The following PTOV1 variants were observed in gnomAD, a reference collection of about 807,000 sequenced individuals.
PTOV1 encodes prostate tumor-overexpressed gene 1 protein.
A neutral mutation model predicts 58.0 loss-of-function variants in PTOV1; 20 were observed. The observed-to-expected ratio is 0.34, with a 90% CI of 0.24 to 0.50. The LOEUF is 0.50. Ranked by LOEUF, PTOV1 falls within the 20% of genes least tolerant of loss-of-function variation. The pLI is 0.98. For synonymous variants in PTOV1, 335 were observed against 234.2 expected, an observed-to-expected ratio of 1.43 and a Z score of -3.93; for missense variants, 593 against 565.4, an observed-to-expected ratio of 1.05 and a Z score of -0.50.
At chr19:49,855,945 CA>C (rs761851184) in intron 5 of PTOV1, among the ~76,000 whole-genome samples, 3 of 151,950 alleles carry the variant, frequency 2.0e-5, no homozygotes, top group East Asian at 1.9e-4. Flanking sequence ...GGAGAGGAGG[CA>C]GGGGTGGGGT....
At position 49,857,890 on chromosome 19, in the gene PTOV1, C is replaced by T. The variant is rs1448147414; in HGVS notation, c.805-14C>T. 44 of 1,613,094 alleles carry T rather than the reference C, an allele frequency of 2.7e-5. No homozygotes were observed. Among genetic ancestry groups the T allele is most frequent in the Non-Finnish European group, 3.6e-5 (42 of 1,179,404 alleles). ...TCCAGCCCTGAGGGCTCCTCTTTGC[C>T]TCTCCCCCAAAAGCCCAGGCCTGAG... is the stretch of plus-strand genomic sequence containing the variant. On this transcript the variant is annotated splice_polypyrimidine_tract_variant and intron_variant, in intron 7 of 11. Coordinates refer to ENST00000391842, the Ensembl canonical transcript of PTOV1.
At chr19:49,854,103 G>T (rs1369644842) in intron 1 of PTOV1, among the ~76,000 whole-genome samples, 2 of 152,246 alleles carry the variant, frequency 1.3e-5, no homozygotes, top group African/African-American at 4.8e-5. Flanking sequence ...TCGATCAGGC[G>T]CACAGCTGGG....
At chr19:49,851,124 G>T, upstream of PTOV1, 1 of 1,341,820 alleles carries the variant, frequency 7.5e-7, no homozygotes, top group South Asian at 1.8e-5. Flanking sequence ...CCCCTCGGAC[G>T]CGCTTGGTAC....
At chr19:49,850,908 G>A (rs1304638008), upstream of PTOV1, 2 of 1,535,836 alleles carry the variant, frequency 1.3e-6, no homozygotes, top group Non-Finnish European at 1.7e-6. Context: ...CCCGACCCCC[G>A]CAAGGGGCCA....
chr19:49,857,289 C>T (rs1053702144), intron 6 of PTOV1, 159 bp downstream of exon 6: 1 of 1,077,472 alleles, frequency 9.3e-7, no homozygotes, highest in South Asian at 1.5e-5. Flanking sequence ...CCCACCAGGG[C>T]TCCATGGAAA....
At position 49,854,744 on chromosome 19, in the gene PTOV1, G is replaced by A. The variant is rs370943862; in HGVS notation, c.392+10G>A. 1.5e-5 allele frequency: 25 copies of A among 1,613,164 alleles called. No individual in the cohort carries two copies. Among genetic ancestry groups the A allele is most frequent in the Admixed American group, 1.0e-4 (6 of 60,006 alleles). On this transcript the variant is annotated intron_variant, in intron 3 of 11. Transcript: ENST00000391842. ...ACCAAGGCGAGAACCTGTGAGTGCCGGGGCGTGGCAGCCAGGGCGGTGGCA... is the reference window on the plus strand; with the variant it reads ...ACCAAGGCGAGAACCTGTGAGTGCCAGGGCGTGGCAGCCAGGGCGGTGGCA...
intron 6 of PTOV1, 68 bp from the exon 7 acceptor site, chr19:49,857,625 C>T: frequency 6.9e-7 from 1 of 1,441,260 alleles, no homozygotes; most frequent in Non-Finnish European, 9.6e-7. Context: ...GGATGGCAGG[C>T]CCCAGGACAG....
At chr19:49,850,913 G>C (rs1221923878), upstream of PTOV1, 7 of 1,535,740 alleles carry the variant, frequency 4.6e-6, no homozygotes, top group East Asian at 1.2e-4. Context: ...CCCCCGCAAG[G>C]GGCCAGCTTG....
chr19:49,860,423 T>C lies in PTOV1; in HGVS notation c.*144T>C. The C allele has an allele frequency of 3.1e-6, 4 of 1,289,170 alleles. No individual in the cohort carries two copies. In the South Asian group the frequency reaches 4.4e-5, roughly 14 times the overall value. The allele number at this position is 1,289,170 out of a possible 1,614,324, so 79.9% of individuals were successfully genotyped here. A position where few individuals can be genotyped will look rare whatever the true frequency, so the allele number is the denominator to read the frequency against. ...GGAAAGAAGCAGGGCGACCTTGGCC[T>C]TGGGGAGAGCAGAGCAGAGGGAGAG... On this transcript the variant is annotated 3_prime_UTR_variant, in exon 12 of 12. Transcript: ENST00000391842.
rs773780113 is a variant in PTOV1 at position 49,860,178 on chromosome 19, C to T, written c.1234C>T (p.Arg412Ter). The T allele has an allele frequency of 1.2e-6, 2 of 1,613,964 alleles. No individual in the cohort carries two copies. Among genetic ancestry groups the T allele is most frequent in the Non-Finnish European group, 1.7e-6 (2 of 1,179,996 alleles). ...GAACCTGGAGCAGGAGCAACAGCAACGAGGGGTGAGGTGGCCGGCCTCCAG... is the reference window on the plus strand; with the variant it reads ...GAACCTGGAGCAGGAGCAACAGCAATGAGGGGTGAGGTGGCCGGCCTCCAG... The change falls in exon 11 of 12, where the codon CGA becomes TGA. Residue 412 changes from arginine (R) to a stop codon, truncating the protein, a stop_gained. Transcript: ENST00000391842. LOFTEE classifies it high-confidence loss of function.
chr19:49,857,861 G>A, intron 7 of PTOV1, 43 bp from the exon 8 acceptor site: 1 of 1,611,982 alleles, frequency 6.2e-7, no homozygotes, highest in South Asian at 1.1e-5. Context: ...TGGCATTGGG[G>A]GTCTCCAGCC....
At chr19:49,858,277 A>G in intron 9 of PTOV1, 163 bp downstream of exon 9, 1 of 973,404 alleles carries the variant, frequency 1.0e-6, no homozygotes, top group South Asian at 1.6e-5. Context: ...GCTTGGCTTC[A>G]AGGGGTCCCA....
chr19:49,853,238 C>T (rs1463453703), intron 1 of PTOV1: 3 of 152,196 alleles, frequency 2.0e-5, no homozygotes, highest in African/African-American at 4.8e-5. Flanking sequence ...AAATAAATCA[C>T]CCTTATAATT....
chr19:49,855,408 T>G (rs1600376459), intron 5 of PTOV1: 1 of 356,958 alleles, frequency 2.8e-6, no homozygotes. Flanking sequence ...AGGGACCTGG[T>G]AAATGGGTGT....
chr19:49,854,996 C>T (rs2074401094), exon 5 of PTOV1: 1 of 1,599,696 alleles, frequency 6.3e-7, no homozygotes, highest in East Asian at 2.3e-5. Flanking sequence ...TGTTCCGGAA[C>T]TCCCAGTTGG....
At chr19:49,851,563 C>A in intron 1 of PTOV1, 64 bp downstream of exon 1, 1 of 1,029,876 alleles carries the variant, frequency 9.7e-7, no homozygotes, top group Non-Finnish European at 1.2e-6. Flanking sequence ...CTATCCCGGG[C>A]TCACGCCTTT....
chr19:49,860,378 A>G, exon 12 of PTOV1: 3 of 447,028 alleles, frequency 6.7e-6, no homozygotes, highest in Non-Finnish European at 1.3e-5. Context: ...ACCCTGGGGC[A>G]TGTGGGGGGG....
chr19:49,860,371 CT>C, exon 12 of PTOV1: 1 of 644,060 alleles, frequency 1.6e-6, no homozygotes. Flanking sequence ...AGGAGGGACC[CT>C]GGGGCATGTG....
intron 6 of PTOV1, 115 bp from the exon 7 acceptor site, chr19:49,857,578 A>T: frequency 2.1e-6 from 2 of 947,248 alleles, no homozygotes; most frequent in Non-Finnish European, 3.3e-6. Flanking sequence ...TAGAGAATGG[A>T]CCCAGCTGGG....
Sources: gnomAD v4.1 joint callset for allele counts (sites outside exome capture counted in the v4.1 genomes callset) on GRCh38, gnomAD v4.1.1 for gene constraint, MANE v1.5 for transcripts, NCBI Gene and HGNC (gene_info 2026-07-23, HGNC 2026-07-21) for gene names.